Variants in FAM13A observed in about 807,000 individuals in gnomAD.
FAM13A encodes the protein family with sequence similarity 13 member A.
Under a neutral mutation model 129.6 loss-of-function variants are expected in FAM13A, and 76 were observed. The observed-to-expected ratio is 0.59, with a 90% CI of 0.49 to 0.71. FAM13A has a LOEUF of 0.71. Ranked by LOEUF, FAM13A falls within the 30% of genes least tolerant of loss-of-function variation. The pLI is 0.00. For synonymous variants in FAM13A, 443 were observed against 449.9 expected (o/e 0.98, Z 0.20); for missense variants, 1,108 against 1,249.3 (o/e 0.89, Z 1.70).
intron 5 of FAM13A, among the ~76,000 whole-genome samples, chr4:88,924,784 A>G (rs1350189933): frequency 3.3e-5 from 5 of 151,616 alleles, no homozygotes; most frequent in Admixed American, 1.3e-4. Context: ...AAAATGGGAG[A>G]AAATTTTTGC....
intron 4 of FAM13A, among the ~76,000 whole-genome samples, chr4:88,980,492 T>C (rs774218392): frequency 6.6e-6 from 1 of 152,210 alleles, no homozygotes; most frequent in African/African-American, 2.4e-5. Flanking sequence ...AGGTGCTACA[T>C]AGGGCTAGTG....
At chr4:88,830,450 A>G (rs954780418) in intron 7 of FAM13A, among the ~76,000 whole-genome samples, 1 of 152,192 alleles carries the variant, frequency 6.6e-6, no homozygotes, top group Non-Finnish European at 1.5e-5. Flanking sequence ...TGAAATAAAT[A>G]TGCTTGCATT....
chr4:88,750,860 T>A (rs1356926070), intron 14 of FAM13A, among the ~76,000 whole-genome samples: 1 of 152,208 alleles, frequency 6.6e-6, no homozygotes, highest in East Asian at 1.9e-4. Flanking sequence ...CCATTCTCAC[T>A]GGCTTTCCAA....
chr4:88,784,572 T>C (rs1723605287), intron 10 of FAM13A, among the ~76,000 whole-genome samples: 2 of 152,184 alleles, frequency 1.3e-5, no homozygotes, highest in South Asian at 4.1e-4. Context: ...CTTAATGTCC[T>C]GGCAATGCTG....
At chr4:88,853,920 T>G (rs1184090624) in intron 6 of FAM13A, among the ~76,000 whole-genome samples, 3 of 152,216 alleles carry the variant, frequency 2.0e-5, no homozygotes, top group Non-Finnish European at 4.4e-5. Flanking sequence ...GACTCCAAGT[T>G]CTTCGGCTTT....
At chr4:88,831,588 C>A (rs181988627) in intron 7 of FAM13A, among the ~76,000 whole-genome samples, 1 of 151,880 alleles carries the variant, frequency 6.6e-6, no homozygotes, top group South Asian at 2.1e-4. Context: ...TTTGAATTGA[C>A]CCTGTAAATA....
At chr4:88,894,544 T>G (rs13110699) in intron 6 of FAM13A, among the ~76,000 whole-genome samples, 125,714 of 152,118 alleles carry the variant, frequency 0.83, 52,326 homozygotes, top group African/African-American at 0.9. Context: ...TATTTTTTGA[T>G]ACAGAGTCTC....
intron 4 of FAM13A, among the ~76,000 whole-genome samples, chr4:88,973,319 T>C (rs1044523830): frequency 6.6e-6 from 1 of 152,128 alleles, no homozygotes; most frequent in African/African-American, 2.4e-5. Flanking sequence ...ACCACAGTAA[T>C]TGGATATTCT....
chr4:88,804,768 C>T (rs1174140755), intron 8 of FAM13A, among the ~76,000 whole-genome samples: 1 of 152,034 alleles, frequency 6.6e-6, no homozygotes, highest in African/African-American at 2.4e-5. Context: ...AAAATGATCA[C>T]CTTGGCACTT....
chr4:88,963,178 T>C (rs905382058), intron 4 of FAM13A, among the ~76,000 whole-genome samples: 1 of 152,210 alleles, frequency 6.6e-6, no homozygotes, highest in Non-Finnish European at 1.5e-5. Context: ...AGCTTAACAA[T>C]GTGATAACGG....
intron 13 of FAM13A, among the ~76,000 whole-genome samples, chr4:88,761,753 T>C (rs1215426135): frequency 1.3e-5 from 2 of 152,104 alleles, no homozygotes; most frequent in Non-Finnish European, 2.9e-5. Flanking sequence ...ATATATTCAA[T>C]AAATATTATG....
chr4:89,053,571 C>T (rs1795727), intron 1 of FAM13A, among the ~76,000 whole-genome samples: 123,357 of 151,950 alleles, frequency 0.81, 50,425 homozygotes, highest in African/African-American at 0.9. Flanking sequence ...TGGTACCAGG[C>T]GGTAAGACTA....
At chr4:88,770,184 T>C (rs1057105914) in intron 11 of FAM13A, among the ~76,000 whole-genome samples, 20 of 152,188 alleles carry the variant, frequency 1.3e-4, no homozygotes, top group African/African-American at 4.8e-4. Context: ...TATTCATACC[T>C]CTAAAGTGTG....
At chr4:88,881,827 T>C (rs1743623825) in intron 6 of FAM13A, among the ~76,000 whole-genome samples, 1 of 151,916 alleles carries the variant, frequency 6.6e-6, no homozygotes, top group African/African-American at 2.4e-5. Context: ...TAGAGAAATG[T>C]AAAATATACT....
At chr4:88,925,463 C>A (rs1395501222) in intron 5 of FAM13A, among the ~76,000 whole-genome samples, 1 of 150,260 alleles carries the variant, frequency 6.7e-6, no homozygotes, top group Non-Finnish European at 1.5e-5. Context: ...GGACAAAAAA[C>A]CAAACACTGC....
At chr4:88,764,135 CCTT>C (rs1034327491) in intron 13 of FAM13A, among the ~76,000 whole-genome samples, 13 of 152,246 alleles carry the variant, frequency 8.5e-5, no homozygotes, top group African/African-American at 2.6e-4. Flanking sequence ...TGTCTCCTCT[CCTT>C]CTTTCTCTCT....
chr4:88,858,815 T>C (rs1738993686), intron 6 of FAM13A, among the ~76,000 whole-genome samples: 1 of 152,146 alleles, frequency 6.6e-6, no homozygotes, highest in Non-Finnish European at 1.5e-5. Flanking sequence ...TTGTTGATGG[T>C]TGCACAACTT....
At chr4:89,056,262 A>C (rs1180646217) in intron 1 of FAM13A, among the ~76,000 whole-genome samples, 1 of 152,176 alleles carries the variant, frequency 6.6e-6, no homozygotes, top group Non-Finnish European at 1.5e-5. Context: ...GATTATTACA[A>C]AAGGTTTTGT....
chr4:88,828,204 C>T (rs554122740), intron 7 of FAM13A, among the ~76,000 whole-genome samples: 2 of 152,274 alleles, frequency 1.3e-5, no homozygotes, highest in East Asian at 3.9e-4. Flanking sequence ...TGGCAGGCAC[C>T]ATCACAACTC....
Sources: gnomAD v4.1 joint callset for allele counts (sites outside exome capture counted in the v4.1 genomes callset) on GRCh38, gnomAD v4.1.1 for gene constraint, MANE v1.5 for transcripts, NCBI Gene and HGNC (gene_info 2026-07-23, HGNC 2026-07-21) for gene names.